The following FSTL4 variants were observed in gnomAD, a reference collection of about 807,000 sequenced individuals.
FSTL4 encodes follistatin-related protein 4.
A neutral mutation model predicts 78.2 loss-of-function variants in FSTL4; 28 were observed. That is an observed-to-expected ratio of 0.36 (90% CI 0.27 to 0.49). The LOEUF (loss-of-function observed/expected upper bound fraction) is 0.49. FSTL4 is among the 20% of genes least tolerant of loss of function. The probability of loss-of-function intolerance (pLI) is 0.98; values close to 1 mark genes in which losing one functional copy is unlikely to be tolerated. For missense variants in FSTL4, 922 were observed against 1,084.9 expected, an observed-to-expected ratio of 0.85 and a Z score of 2.11; for synonymous variants, 422 against 440.5, an observed-to-expected ratio of 0.96 and a Z score of 0.53.
chr5:133,550,480 C>A (rs1403775359), intron 3 of FSTL4, among the ~76,000 whole-genome samples: 1 of 152,196 alleles, frequency 6.6e-6, no homozygotes, highest in East Asian at 1.9e-4. Flanking sequence ...CAACCCCAGG[C>A]AACCCCAGCC....
At chr5:133,437,390 G>C (rs1386680018) in intron 3 of FSTL4, among the ~76,000 whole-genome samples, 2 of 151,664 alleles carry the variant, frequency 1.3e-5, no homozygotes, top group Non-Finnish European at 2.9e-5. Flanking sequence ...CAGAACACAG[G>C]ATTGCTCATT....
the FSTL4 span, among the ~76,000 whole-genome samples, chr5:133,754,674 A>C: frequency 3.3e-5 from 5 of 152,314 alleles, no homozygotes; most frequent in African/African-American, 9.6e-5. Context: ...CATAAACACC[A>C]AGCCCAAGAG....
At chr5:133,411,688 T>C (rs1756480612) in intron 3 of FSTL4, among the ~76,000 whole-genome samples, 1 of 152,186 alleles carries the variant, frequency 6.6e-6, no homozygotes, top group Non-Finnish European at 1.5e-5. Flanking sequence ...TTTGTTATCA[T>C]CATTCTTATT....
chr5:133,756,683 A>G, the FSTL4 span, among the ~76,000 whole-genome samples: 1 of 152,082 alleles, frequency 6.6e-6, no homozygotes, highest in Non-Finnish European at 1.5e-5. Flanking sequence ...GGTGCGGGAT[A>G]GAGGCAGGGA....
chr5:133,694,429 A>T, the FSTL4 span, among the ~76,000 whole-genome samples: 2 of 152,248 alleles, frequency 1.3e-5, no homozygotes, highest in African/African-American at 2.4e-5. Context: ...CCCACAAAAC[A>T]TTAACTGAGC....
intron 3 of FSTL4, among the ~76,000 whole-genome samples, chr5:133,467,256 G>C (rs935626317): frequency 1.4e-5 from 2 of 142,494 alleles, no homozygotes; most frequent in Admixed American, 1.4e-4. Context: ...GAGTATATGT[G>C]AGTGTGTGTG....
chr5:133,238,869 G>T (rs11242146), intron 7 of FSTL4, among the ~76,000 whole-genome samples: 12 of 152,084 alleles, frequency 7.9e-5, no homozygotes, highest in African/African-American at 2.7e-4. Flanking sequence ...GAGCCTCCTC[G>T]GCCTTGGTTC....
chr5:133,358,837 G>A (rs1035381569), intron 4 of FSTL4, among the ~76,000 whole-genome samples: 3 of 152,022 alleles, frequency 2.0e-5, no homozygotes, highest in Non-Finnish European at 2.9e-5. Flanking sequence ...TGAATCACCC[G>A]CCTCAGCCTC....
At chr5:133,646,981 A>T in the FSTL4 span, among the ~76,000 whole-genome samples, 4 of 152,090 alleles carry the variant, frequency 2.6e-5, no homozygotes, top group Non-Finnish European at 5.9e-5. Flanking sequence ...AGATTTAATC[A>T]CTCTAGCACC....
chr5:133,478,144 T>C (rs1355055280), intron 3 of FSTL4, among the ~76,000 whole-genome samples: 2 of 152,216 alleles, frequency 1.3e-5, no homozygotes, highest in Admixed American at 6.5e-5. Context: ...TCTTCCAAGA[T>C]ATTACTAATG....
chr5:133,806,907 C>T, the FSTL4 span, among the ~76,000 whole-genome samples: 5 of 152,210 alleles, frequency 3.3e-5, no homozygotes, highest in African/African-American at 4.8e-5. Context: ...TAAGGGAGCC[C>T]AGTCTTTGCA....
At chr5:133,468,113 T>C (rs1580728562) in intron 3 of FSTL4, among the ~76,000 whole-genome samples, 1 of 152,168 alleles carries the variant, frequency 6.6e-6, no homozygotes, top group Non-Finnish European at 1.5e-5. Context: ...GTAGCCTGTT[T>C]GTAGCTCCTC....
At chr5:133,317,621 T>C (rs1753940543) in intron 4 of FSTL4, among the ~76,000 whole-genome samples, 1 of 151,912 alleles carries the variant, frequency 6.6e-6, no homozygotes. Context: ...AGTTGGAGAG[T>C]CAATAGAAAG....
At chr5:133,599,750 C>T (rs1760816547) in intron 2 of FSTL4, among the ~76,000 whole-genome samples, 1 of 152,096 alleles carries the variant, frequency 6.6e-6, no homozygotes, top group South Asian at 2.1e-4. Context: ...GGGAGGCTCC[C>T]ACCATAGCAC....
the FSTL4 span, among the ~76,000 whole-genome samples, chr5:133,780,434 C>T: frequency 7.3e-6 from 1 of 136,148 alleles, no homozygotes; most frequent in Non-Finnish European, 1.6e-5. Flanking sequence ...TACCCTGCTT[C>T]AGTTATCTTC....
intron 14 of FSTL4, chr5:133,209,814 CCTT>C: frequency 5.2e-6 from 1 of 192,974 alleles, no homozygotes; most frequent in East Asian, 1.3e-4. Context: ...TGCTGCTTCT[CCTT>C]CTTCATTGGC....
At position 133,199,276 on chromosome 5, in the gene FSTL4, C is replaced by G; in HGVS notation, c.2348G>C (p.Gly783Ala). Reference protein sequence around the residue: ...MLKNLKEPPAGPAQPWGGTHR... With the variant: ...MLKNLKEPPAAPAQPWGGTHR... Reference sequence around the variant, plus strand: ...GGTACCCCCCCAGGGCTGAGCTGGCCCTGCGGGTGGCTCCTTTAAGTTCTT... The same window carrying G: ...GGTACCCCCCCAGGGCTGAGCTGGCGCTGCGGGTGGCTCCTTTAAGTTCTT... The change falls in exon 16 of 16, where the codon GGG becomes GCG. Residue 783 changes from glycine to alanine, a missense_variant. Gly to Ala is a moderately conservative substitution (Grantham distance 60). Transcript: ENST00000265342. The surrounding 1 kb of genome is among the most constrained non-coding windows in gnomAD (Gnocchi z 4.4). The G allele has an allele frequency of 6.2e-7, 1 of 1,614,004 alleles. No homozygotes were observed. The highest frequency in any genetic ancestry group is 1.1e-5 in the South Asian group (1 of 91,068).
chr5:133,242,591 C>T (rs1469183245), intron 7 of FSTL4, among the ~76,000 whole-genome samples: 1 of 152,108 alleles, frequency 6.6e-6, no homozygotes, highest in African/African-American at 2.4e-5. Flanking sequence ...ACTGAGAAAG[C>T]AAAGGCCAGA....
At chr5:133,754,714 G>A in the FSTL4 span, among the ~76,000 whole-genome samples, 31 of 152,178 alleles carry the variant, frequency 2.0e-4, no homozygotes, top group African/African-American at 7.5e-4. Flanking sequence ...TCAGGTCCAC[G>A]CTCTGGGGAC....
Sources: gnomAD v4.1 joint callset for allele counts (sites outside exome capture counted in the v4.1 genomes callset) on GRCh38, gnomAD v4.1.1 for gene constraint, Gnocchi (gnomAD v3.1) non-coding constraint, MANE v1.5 for transcripts, NCBI Gene and HGNC (gene_info 2026-07-23, HGNC 2026-07-21) for gene names.